PLCE1: variants seen among roughly 807,000 people sequenced by gnomAD.
PLCE1 encodes the protein 1-phosphatidylinositol 4,5-bisphosphate phosphodiesterase epsilon-1.
PLCE1 carries 119 observed loss-of-function variants against 242.8 expected under a neutral mutation model. That is an observed-to-expected ratio of 0.49 (90% CI 0.42 to 0.57). The LOEUF is 0.57. Ranked by LOEUF, PLCE1 falls within the 20% of genes least tolerant of loss-of-function variation. The probability of loss-of-function intolerance (pLI) is 0.00; values close to 1 mark genes in which losing one functional copy is unlikely to be tolerated. For synonymous variants in PLCE1, 945 were observed against 1,017.4 expected, an observed-to-expected ratio of 0.93 and a Z score of 1.35; for missense variants, 2,441 against 2,788.8, an observed-to-expected ratio of 0.88 and a Z score of 2.81.
chr10:94,132,677 G>T (rs540321108), intron 3 of PLCE1, among the ~76,000 whole-genome samples: 3 of 151,512 alleles, frequency 2.0e-5, no homozygotes, highest in Non-Finnish European at 4.4e-5. Flanking sequence ...GAGGCCGGGT[G>T]CGGTGGCTCA....
At chr10:94,193,714 A>G (rs1590219783) in intron 4 of PLCE1, among the ~76,000 whole-genome samples, 1 of 152,320 alleles carries the variant, frequency 6.6e-6, no homozygotes, top group East Asian at 1.9e-4. Flanking sequence ...ACGAATTTCA[A>G]AATGACAGTG....
At chr10:94,099,154 G>C (rs548368096) in intron 2 of PLCE1, among the ~76,000 whole-genome samples, 2 of 152,228 alleles carry the variant, frequency 1.3e-5, no homozygotes. Flanking sequence ...TAACAGCTGG[G>C]TGTTGGTGAA....
At chr10:94,035,775 A>G (rs1388741049) in intron 2 of PLCE1, among the ~76,000 whole-genome samples, 2 of 152,168 alleles carry the variant, frequency 1.3e-5, no homozygotes, top group African/African-American at 4.8e-5. Flanking sequence ...TCTGGTAGAA[A>G]TTCTCAAAAG....
chr10:94,267,133 ATACT>A (rs1311098517), intron 16 of PLCE1, among the ~76,000 whole-genome samples: 1 of 152,180 alleles, frequency 6.6e-6, no homozygotes, highest in African/African-American at 2.4e-5. Context: ...ATAAATACAG[ATACT>A]TATATATATT....
In PLCE1 at chr10:94,032,042, T is replaced by C; in HGVS notation, c.996T>C (p.Asn332=). ...TGTTAGTCAGGAGATTCTGTAAAAA[T>C]GACAGAGAAGTTAAGAAATCTGTGT... ...STLLVRRFCK[N]DREVKKSVYT... The change falls in exon 2 of 33, where the codon AAT becomes AAC. Residue 332 remains asparagine (N), a synonymous_variant. Transcript: ENST00000371380. 2 of 1,613,470 alleles carry C rather than the reference T, an allele frequency of 1.2e-6. No homozygotes were observed. The highest frequency in any genetic ancestry group is 1.1e-5 in the South Asian group (1 of 91,016).
Position 94,167,762 on chromosome 10 carries a change from G to A in PLCE1, c.1493-3418G>A, listed in dbSNP as rs186604482. On this transcript the variant is annotated intron_variant, in intron 3 of 32. Coordinates refer to ENST00000371380, the MANE Select transcript of PLCE1 (RefSeq NM_016341.4). ...GTGGTGTTTGGTTTTTTGTCCTTGC[G>A]ATAGTTTGCTGAGAATGATGGTTTC... Among the ~76,000 whole-genome samples, 591 of 147,574 alleles carry A rather than the reference G, an allele frequency of 4.0e-3. 3 individuals carry two copies. Among genetic ancestry groups the A allele is most frequent in the African/African-American group, 0.014 (545 of 39,848 alleles).
chr10:94,323,456 CTTAT>C (rs2053894927), intron 30 of PLCE1, among the ~76,000 whole-genome samples: 1 of 152,218 alleles, frequency 6.6e-6, no homozygotes, highest in Non-Finnish European at 1.5e-5. Flanking sequence ...GATAAAAGCC[CTTAT>C]TTATTTCTTT....
intron 4 of PLCE1, among the ~76,000 whole-genome samples, chr10:94,212,829 C>T (rs1322977569): frequency 6.6e-6 from 1 of 152,212 alleles, no homozygotes; most frequent in East Asian, 1.9e-4. Context: ...GGGATAACAA[C>T]ACTTTCCAGA....
chr10:94,126,283 T>C (rs143630088), intron 2 of PLCE1, among the ~76,000 whole-genome samples: 1,837 of 152,358 alleles, frequency 0.012, 12 homozygotes, highest in Middle Eastern at 0.037. Context: ...AACATTGATC[T>C]ATAGTTCTCT....
intron 4 of PLCE1, among the ~76,000 whole-genome samples, chr10:94,192,303 T>C (rs961236072): frequency 2.0e-5 from 3 of 152,190 alleles, no homozygotes; most frequent in African/African-American, 7.2e-5. Flanking sequence ...GTAGTGAGCA[T>C]AGTACCCAAT....
chr10:94,276,479 G>T (rs1198018363), intron 19 of PLCE1, among the ~76,000 whole-genome samples: 1 of 152,132 alleles, frequency 6.6e-6, no homozygotes, highest in Admixed American at 6.5e-5. Context: ...GACTAAGTCA[G>T]AATTTCCAGA....
intron 27 of PLCE1, among the ~76,000 whole-genome samples, chr10:94,312,168 A>G (rs554867912): frequency 1.3e-5 from 2 of 152,362 alleles, no homozygotes; most frequent in East Asian, 3.9e-4. Context: ...ATTTTATAGT[A>G]TGACAATTAT....
At chr10:94,022,427 ATGTC>A (rs551695492) in intron 1 of PLCE1, among the ~76,000 whole-genome samples, 243 of 152,100 alleles carry the variant, frequency 1.6e-3, no homozygotes, top group African/African-American at 5.6e-3. Flanking sequence ...GTGTATTCAT[ATGTC>A]TGTCTATGTG....
chr10:94,304,316 T>G (rs1254775823), intron 24 of PLCE1, among the ~76,000 whole-genome samples, 166 bp from the exon 25 acceptor site: 2 of 152,222 alleles, frequency 1.3e-5, no homozygotes, highest in Non-Finnish European at 1.5e-5. Context: ...ACTTGGCATA[T>G]AGTAGTCATT....
chr10:94,229,594 C>T lies in PLCE1; in HGVS notation c.1955+2143C>T, dbSNP rs149932939. ...AGGCCGTCTTGGAGGCTGGCTGCCACATACCATGTTCTAGATTCTCTTATT... is the reference window on the plus strand; with the variant it reads ...AGGCCGTCTTGGAGGCTGGCTGCCATATACCATGTTCTAGATTCTCTTATT... On this transcript the variant is annotated intron_variant, in intron 5 of 32. Coordinates refer to ENST00000371380, the MANE Select transcript of PLCE1 (RefSeq NM_016341.4). 2.0e-5 allele frequency among the ~76,000 whole-genome samples: 3 copies of T among 152,340 alleles called. No homozygotes were observed. In the East Asian group the frequency reaches 5.8e-4, roughly 29 times the overall value.
chr10:94,113,843 G>A (rs1183846821), intron 2 of PLCE1, among the ~76,000 whole-genome samples: 1 of 152,130 alleles, frequency 6.6e-6, no homozygotes, highest in Non-Finnish European at 1.5e-5. Context: ...GGGGGTAGAA[G>A]GGTGGACAGT....
At chr10:94,299,613 C>A (rs1263282776) in intron 24 of PLCE1, among the ~76,000 whole-genome samples, 1 of 152,322 alleles carries the variant, frequency 6.6e-6, no homozygotes, top group Middle Eastern at 3.4e-3. Flanking sequence ...TCATTCATCT[C>A]GCGTGAACTG....
chr10:94,204,069 TA>T (rs999688922), intron 4 of PLCE1, among the ~76,000 whole-genome samples: 40 of 148,216 alleles, frequency 2.7e-4, no homozygotes, highest in South Asian at 1.3e-3. Flanking sequence ...TTGCAAAAAA[TA>T]AAAAAAAAAT....
chr10:94,235,633 T>C (rs1315544213), intron 6 of PLCE1: 2 of 664,348 alleles, frequency 3.0e-6, no homozygotes, highest in Non-Finnish European at 1.9e-6. Context: ...AATTGGCTAA[T>C]CTTCTCCTTA....
Sources: allele counts gnomAD v4.1 joint callset (sites outside exome capture counted in the v4.1 genomes callset), GRCh38; gene constraint gnomAD v4.1.1; transcripts MANE v1.5; gene names NCBI Gene and HGNC (gene_info 2026-07-23, HGNC 2026-07-21).